The following DNAJC4 variants were observed in gnomAD, a reference collection of about 807,000 sequenced individuals.
DNAJC4 encodes the protein dnaJ homolog subfamily C member 4.
A neutral mutation model predicts 26.8 loss-of-function variants in DNAJC4; 26 were observed. The ratio of observed to expected loss-of-function variants is 0.97; its 90% CI spans 0.71 to 1.34. The LOEUF is 1.34. DNAJC4 is among the 40% of genes most tolerant of loss of function. The pLI, the probability that DNAJC4 is intolerant of heterozygous loss-of-function variation, is 0.00. For missense variants in DNAJC4, 342 were observed against 321.1 expected, an observed-to-expected ratio of 1.07 and a Z score of -0.50; for synonymous variants, 134 against 127.8, an observed-to-expected ratio of 1.05 and a Z score of -0.33.
At chr11:64,232,117 G>A in intron 2 of DNAJC4, 153 bp downstream of exon 2, 2 of 827,992 alleles carry the variant, frequency 2.4e-6, no homozygotes, top group Non-Finnish European at 1.9e-6. Context: ...TAGGGGAAAG[G>A]CTGTGGGCAG....
Position 64,231,938 on chromosome 11 carries a change from C to T in DNAJC4, c.154C>T (p.Arg52Ter), listed in dbSNP as rs772679141. 21 of 1,613,964 alleles carry T rather than the reference C, an allele frequency of 1.3e-5. No homozygotes were observed. The highest frequency in any genetic ancestry group is 4.5e-5 in the East Asian group (2 of 44,904). The part of the protein sequence containing the change: ...HPGASTEEVK[R>*]AFFSKSKELH... ...TGGTGCCAGCACTGAGGAAGTTAAACGAGCTTTCTTCTCCAAGTCCAAAGA... is the reference window on the plus strand; with the variant it reads ...TGGTGCCAGCACTGAGGAAGTTAAATGAGCTTTCTTCTCCAAGTCCAAAGA... Residue 52 changes from arginine (R) to a stop codon, truncating the protein, a stop_gained, in exon 2 of 6, where the codon CGA becomes TGA. Transcript: ENST00000628077. LOFTEE classifies it high-confidence loss of function.
Position 64,230,737 on chromosome 11 carries a change from T to G in DNAJC4, c.-118T>G, listed in dbSNP as rs1316210446. 1 of 1,401,494 alleles carries G rather than the reference T, an allele frequency of 7.1e-7. No homozygotes were observed. Among genetic ancestry groups the G allele is most frequent in the East Asian group, 2.5e-5 (1 of 40,254 alleles). 86.8% of individuals were successfully genotyped at this position (1,401,494 alleles called of 1,614,324 possible). On this transcript the variant is annotated 5_prime_UTR_variant, in exon 1 of 6. Transcript: ENST00000628077. ...CCCCTCTCCGGGCCTGCTTCAGTCTTCCTTTGCAGAACAACGGGCCAGGCC... is the reference window on the plus strand; with the variant it reads ...CCCCTCTCCGGGCCTGCTTCAGTCTGCCTTTGCAGAACAACGGGCCAGGCC...
At position 64,230,585 on chromosome 11, in the gene DNAJC4, C is replaced by T. The variant is rs1947160342; in HGVS notation, c.-270C>T. 2 of 609,512 alleles carry T rather than the reference C, an allele frequency of 3.3e-6. No homozygotes were observed. The highest frequency in any genetic ancestry group is 1.9e-5 in the African/African-American group (1 of 53,984). The allele number at this position is 609,512 out of a possible 1,614,324, so 37.8% of individuals were successfully genotyped here. A position where few individuals can be genotyped will look rare whatever the true frequency, so the allele number is the denominator to read the frequency against. Reference sequence around the variant, plus strand: ...CGTCCCCAAGTTCCCTGGGTGGGAACGGGGTCTTGGGGTCCCTGGCTGGGT... The same window carrying T: ...CGTCCCCAAGTTCCCTGGGTGGGAATGGGGTCTTGGGGTCCCTGGCTGGGT... On this transcript the variant is annotated 5_prime_UTR_variant, in exon 1 of 6. In the 5' UTR this introduces an upstream ATG that the reference lacks. Transcript: ENST00000628077.
chr11:64,234,172 C>T lies in DNAJC4; in HGVS notation c.714C>T (p.Gly238=). The change falls in exon 6 of 6, where the codon GGC becomes GGT. Residue 238 remains glycine, a synonymous_variant. Transcript: ENST00000628077. This position sits in a 1 kb window ranked among gnomAD's most constrained non-coding sequence, Gnocchi z 5.3. The part of the protein sequence containing the change: ...PTQGPEIVPR[G]AGP ...AAGGCCCCGAGATCGTGCCCCGGGGCGCCGGCCCCTGAGGGGCTCACCTGG... is the reference window on the plus strand; with the variant it reads ...AAGGCCCCGAGATCGTGCCCCGGGGTGCCGGCCCCTGAGGGGCTCACCTGG... The T allele has an allele frequency of 6.4e-7, 1 of 1,568,476 alleles. No homozygotes were observed.
chr11:64,234,195 T>C lies in DNAJC4; in HGVS notation c.*11T>C. 6.5e-7 allele frequency: 1 copy of C among 1,547,576 alleles called. No individual in the cohort carries two copies. Among genetic ancestry groups the C allele is most frequent in the Non-Finnish European group, 8.7e-7 (1 of 1,150,758 alleles). On this transcript the variant is annotated 3_prime_UTR_variant, in exon 6 of 6. Coordinates refer to ENST00000628077, the MANE Select transcript of DNAJC4 (RefSeq NM_005528.4). The surrounding 1 kb of genome is among the most constrained non-coding windows in gnomAD (Gnocchi z 5.3). ...GGCGCCGGCCCCTGAGGGGCTCACCTGGATGGGGCCTGCAGTGCGTTCCCG... is the reference window on the plus strand; with the variant it reads ...GGCGCCGGCCCCTGAGGGGCTCACCCGGATGGGGCCTGCAGTGCGTTCCCG...
upstream of DNAJC4, chr11:64,230,547 C>T (rs971803524): frequency 1.0e-5 from 6 of 596,430 alleles, no homozygotes; most frequent in African/African-American, 1.9e-5. Flanking sequence ...CTGGTTGTGG[C>T]CCCTCCTTCT....
In DNAJC4 at chr11:64,232,706, C is replaced by G. The variant is rs1454796373; in HGVS notation, c.368C>G (p.Ser123Cys). 1 of 1,589,274 alleles carries G rather than the reference C, an allele frequency of 6.3e-7. No individual in the cohort carries two copies. The highest frequency in any genetic ancestry group is 2.3e-5 in the East Asian group (1 of 44,318). The change falls in exon 4 of 6, where the codon TCC (serine) becomes TGC (cysteine). Residue 123 changes from serine to cysteine, a missense_variant and splice_region_variant. By Grantham distance (112) the Ser-to-Cys change is moderately radical (BLOSUM62 -1). Transcript: ENST00000628077. ...TCCCTTCCTCTGCCTCCCAGCAGCT[C>G]CTGGACACCCCCCAACGCACAGTAC... Reference protein sequence around the residue: ...HDKSAHQTHSSWTPPNAQYWS... With the variant: ...HDKSAHQTHSCWTPPNAQYWS...
intron 4 of DNAJC4, among the ~76,000 whole-genome samples, chr11:64,233,211 G>GCTGATT (rs1228225165): frequency 1.3e-5 from 2 of 152,054 alleles, no homozygotes; most frequent in Non-Finnish European, 2.9e-5. Flanking sequence ...GTGCCACGGA[G>GCTGATT]CTGATTCTCT....
At position 64,230,689 on chromosome 11, in the gene DNAJC4, G is replaced by C. The variant is rs1264407379; in HGVS notation, c.-166G>C. The stretch of plus-strand genomic sequence containing the variant: ...AAGGGGCAGGTCCAAGGACACGCGG[G>C]TCTGGTCCTGGGCAAGAACCGCCCC... On this transcript the variant is annotated 5_prime_UTR_variant, in exon 1 of 6. Coordinates refer to ENST00000628077, the MANE Select transcript of DNAJC4 (RefSeq NM_005528.4). 3 of 904,424 alleles carry C rather than the reference G, an allele frequency of 3.3e-6. No homozygotes were observed. In the South Asian group the frequency reaches 4.6e-5, roughly 14 times the overall value. The allele number at this position is 904,424 out of a possible 1,614,324, so 56.0% of individuals were successfully genotyped here. A position where few individuals can be genotyped will look rare whatever the true frequency, so the allele number is the denominator to read the frequency against.
intron 1 of DNAJC4, 32 bp downstream of exon 1, chr11:64,230,972 T>G (rs1947167781): frequency 6.5e-7 from 1 of 1,536,720 alleles, no homozygotes; most frequent in African/African-American, 1.4e-5. Flanking sequence ...GGCCCGGTTG[T>G]TCAATGGGTT....
At position 64,234,133 on chromosome 11, in the gene DNAJC4, A is replaced by C; in HGVS notation, c.675A>C (p.Pro225=). The change falls in exon 6 of 6, where the codon CCA becomes CCC. Residue 225 remains proline, a synonymous_variant. Coordinates refer to ENST00000628077, the MANE Select transcript of DNAJC4 (RefSeq NM_005528.4). The surrounding 1 kb of genome is among the most constrained non-coding windows in gnomAD (Gnocchi z 5.3). ...GGCTAGGGCAGCGGCAGCCGCCACCATCCGAGCCAACCCAAGGCCCCGAGA... is the reference window on the plus strand; with the variant it reads ...GGCTAGGGCAGCGGCAGCCGCCACCCTCCGAGCCAACCCAAGGCCCCGAGA... ...RQRLGQRQPP[P]SEPTQGPEIV... 6.3e-7 allele frequency: 1 copy of C among 1,598,408 alleles called. No individual in the cohort carries two copies. The highest frequency in any genetic ancestry group is 2.3e-5 in the East Asian group (1 of 44,410).
Position 64,233,949 on chromosome 11 carries a change from G to A in DNAJC4, c.583G>A (p.Ala195Thr). 1 of 1,614,126 alleles carries A rather than the reference G, an allele frequency of 6.2e-7. No homozygotes were observed. The highest frequency in any genetic ancestry group is 8.5e-7 in the Non-Finnish European group (1 of 1,180,024). The change falls in exon 5 of 6, where the codon GCC becomes ACC. Residue 195 changes from alanine (A) to threonine (T), a missense_variant. Ala to Thr is a moderately conservative substitution (Grantham distance 58, BLOSUM62 0). Coordinates refer to ENST00000628077, the MANE Select transcript of DNAJC4 (RefSeq NM_005528.4). ...FMDEKDRIIT[A>T]FYNEARARAR... is the part of the protein sequence containing the mutation. The stretch of plus-strand genomic sequence containing the variant: ...GGATGAAAAGGATCGGATCATCACA[G>A]CCTTCTACAACGAAGCCCGGGCACG...
rs1444667216 is a variant in DNAJC4 at position 64,231,788 on chromosome 11, T to C, written c.87-83T>C. The C allele has an allele frequency of 3.7e-6, 5 of 1,338,852 alleles. No individual in the cohort carries two copies. The African/African-American group carries it at 5.8e-5, about 15-fold the overall frequency. The allele number at this position is 1,338,852 out of a possible 1,614,324, so 82.9% of individuals were successfully genotyped here. On this transcript the variant is annotated intron_variant, in intron 1 of 5. Coordinates refer to ENST00000628077, the MANE Select transcript of DNAJC4 (RefSeq NM_005528.4). The stretch of plus-strand genomic sequence containing the variant: ...GCCCTGTCAGCTCCTGGTGGCTGAG[T>C]TGAAGGGTGTGGCCCAGAAGGCAGG...
Position 64,234,143 on chromosome 11 carries a change from A to T in DNAJC4, c.685A>T (p.Thr229Ser). ...GCGGCAGCCGCCACCATCCGAGCCA[A>T]CCCAAGGCCCCGAGATCGTGCCCCG... ...GQRQPPPSEPTQGPEIVPRGA... is the reference protein window; with the variant it reads ...GQRQPPPSEPSQGPEIVPRGA... The change falls in exon 6 of 6, where the codon ACC (threonine) becomes TCC (serine). Residue 229 changes from threonine (T) to serine (S), a missense_variant. Physicochemically the swap from Thr to Ser is moderately conservative, Grantham distance 58. Transcript: ENST00000628077. This position sits in a 1 kb window ranked among gnomAD's most constrained non-coding sequence, Gnocchi z 5.3. The T allele has an allele frequency of 6.3e-7, 1 of 1,595,658 alleles. No homozygotes were observed. Among genetic ancestry groups the T allele is most frequent in the Non-Finnish European group, 8.5e-7 (1 of 1,173,268 alleles).
rs1947191190 is a variant in DNAJC4 at position 64,232,641 on chromosome 11, C to T, written c.365+27C>T. 4.4e-6 allele frequency: 7 copies of T among 1,581,916 alleles called. No individual in the cohort carries two copies. The East Asian group carries it at 1.6e-4, about 36-fold the overall frequency. ...TACAGTAATCCTGCCCTCAGCTTGC[C>T]CCACCCCCAGGTCTCTTGGGTAGTC... On this transcript the variant is annotated intron_variant, in intron 3 of 5. Coordinates refer to ENST00000628077, the MANE Select transcript of DNAJC4 (RefSeq NM_005528.4).
At chr11:64,232,066 C>G (rs1292061847) in intron 2 of DNAJC4, 102 bp downstream of exon 2, 3 of 1,235,346 alleles carry the variant, frequency 2.4e-6, no homozygotes, top group East Asian at 4.7e-5. Flanking sequence ...GCGGGTGCCA[C>G]ATTTTTTCAG....
Position 64,231,015 on chromosome 11 carries a change from T to G in DNAJC4, c.86+75T>G, listed in dbSNP as rs577743455. 283 of 1,513,212 alleles carry G rather than the reference T, an allele frequency of 1.9e-4. No homozygotes were observed. The African/African-American group carries it at 3.6e-3, about 19-fold the overall frequency. 93.7% of individuals were successfully genotyped at this position (1,513,212 alleles called of 1,614,324 possible). ...GCCCTACGTGCTGAGTTAGTTGTGG[T>G]CTCTACTCCGTGTCAGGAGGCTCCC... On this transcript the variant is annotated intron_variant, in intron 1 of 5. Transcript: ENST00000628077.
At chr11:64,232,654 C>T in intron 3 of DNAJC4, 40 bp downstream of exon 3, 1 of 1,579,918 alleles carries the variant, frequency 6.3e-7, no homozygotes, top group South Asian at 1.1e-5. Context: ...ACCCCCAGGT[C>T]TCTTGGGTAG....
intron 2 of DNAJC4, chr11:64,232,207 A>G: frequency 1.4e-6 from 1 of 711,306 alleles, no homozygotes; most frequent in Non-Finnish European, 2.3e-6. Flanking sequence ...GGACCAGGGC[A>G]TATGGTGAAT....
Sources: gnomAD v4.1 joint callset for allele counts (sites outside exome capture counted in the v4.1 genomes callset) on GRCh38, gnomAD v4.1.1 for gene constraint, Gnocchi (gnomAD v3.1) non-coding constraint, MANE v1.5 for transcripts, NCBI Gene and HGNC (gene_info 2026-07-23, HGNC 2026-07-21) for gene names.